MMP17: variants seen among roughly 807,000 people sequenced by gnomAD.
MMP17 encodes the protein matrix metallopeptidase 17, also known as matrix metalloproteinase-17.
Under a neutral mutation model 49.1 loss-of-function variants are expected in MMP17, and 54 were observed. That is an observed-to-expected ratio of 1.10 (90% CI 0.88 to 1.38). The LOEUF is 1.38. Among genes scored for constraint, MMP17 ranks in the 40% most tolerant of loss-of-function variants. The pLI is 0.00. For missense variants in MMP17, 837 were observed against 853.7 expected (o/e 0.98, Z 0.24); for synonymous variants, 397 against 383.1 (o/e 1.04, Z -0.42).
chr12:131,850,787 A>C, intron 9 of MMP17, 138 bp from the exon 10 acceptor site: 1 of 407,144 alleles, frequency 2.5e-6, no homozygotes. Flanking sequence ...AGTCTTGTGC[A>C]AGCCCCCTGC....
At chr12:131,833,601 C>A (rs926254035) in intron 1 of MMP17, among the ~76,000 whole-genome samples, 6 of 152,272 alleles carry the variant, frequency 3.9e-5, no homozygotes, top group African/African-American at 7.2e-5. Flanking sequence ...ACAGCTCCAT[C>A]ACTGACCGTG....
In MMP17 at chr12:131,846,059, A is replaced by G. The variant is rs1887688829; in HGVS notation, c.1204+610A>G. On this transcript the variant is annotated intron_variant, in intron 8 of 9. Transcript: ENST00000360564. The surrounding 1 kb of genome is among the most constrained non-coding windows in gnomAD (Gnocchi z 4.6). ...CTCCTTTTGCCTCCAAGTCTCCGGG[A>G]AGGGCAGGAAAGGGAGACAGTAGCA... Among the ~76,000 whole-genome samples the G allele has an allele frequency of 6.6e-6, 1 of 152,118 alleles. No individual in the cohort carries two copies. The highest frequency in any genetic ancestry group is 2.4e-5 in the African/African-American group (1 of 41,434).
intron 1 of MMP17, among the ~76,000 whole-genome samples, chr12:131,829,330 C>A (rs942164946): frequency 2.6e-5 from 4 of 152,232 alleles, no homozygotes; most frequent in Non-Finnish European, 5.9e-5. Flanking sequence ...GTCCCCAGCT[C>A]AGCTTAGAAA....
At chr12:131,829,760 C>A (rs980377718) in intron 1 of MMP17, among the ~76,000 whole-genome samples, 3 of 152,220 alleles carry the variant, frequency 2.0e-5, no homozygotes, top group Non-Finnish European at 4.4e-5. Flanking sequence ...TTGGGTGGCA[C>A]CCGCAGCCCC....
chr12:131,829,660 G>T (rs1566079346), intron 1 of MMP17, among the ~76,000 whole-genome samples: 1 of 152,220 alleles, frequency 6.6e-6, no homozygotes, highest in East Asian at 1.9e-4. Flanking sequence ...CTCGCCCAGC[G>T]CAGTGGACAT....
rs544877596 is a variant in MMP17 at position 131,846,463 on chromosome 12, A to G, written c.1204+1014A>G. The stretch of plus-strand genomic sequence containing the variant: ...GTGATCTCAGCTCACTGCAACCTTC[A>G]CCTCCCAGGTTGCAATTCTCCTGCC... On this transcript the variant is annotated intron_variant, in intron 8 of 9. Coordinates refer to ENST00000360564, the MANE Select transcript of MMP17 (RefSeq NM_016155.7). The surrounding 1 kb of genome is among the most constrained non-coding windows in gnomAD (Gnocchi z 4.6). Among the ~76,000 whole-genome samples the G allele has an allele frequency of 2.0e-5, 3 of 151,408 alleles. No individual in the cohort carries two copies. The highest frequency in any genetic ancestry group is 7.3e-5 in the African/African-American group (3 of 41,212).
chr12:131,838,384 C>T lies in MMP17; in HGVS notation c.292+57C>T, dbSNP rs529132179. On this transcript the variant is annotated intron_variant, in intron 2 of 9. Transcript: ENST00000360564. Reference sequence around the variant, plus strand: ...TGGCCCCCGTCAGGTCTGCGCCCGTCGGCCATGCCCCCTCTGATCAGGCAC... The same window carrying T: ...TGGCCCCCGTCAGGTCTGCGCCCGTTGGCCATGCCCCCTCTGATCAGGCAC... The T allele has an allele frequency of 8.1e-5, 129 of 1,585,688 alleles. 1 individual carries two copies. In the Middle Eastern group the frequency reaches 1.2e-3, roughly 15 times the overall value.
chr12:131,841,656 G>A lies in MMP17; in HGVS notation c.739G>A (p.Val247Ile). ...AHGMDLFAVA[V>I]HEFGHAIGLS... The stretch of plus-strand genomic sequence containing the variant: ...CGGGATGGACCTGTTTGCAGTGGCT[G>A]TCCACGAGTTTGGCCACGCCATTGG... The change falls in exon 5 of 10, where the codon GTC (valine) becomes ATC (isoleucine). Residue 247 changes from valine (V) to isoleucine (I), a missense_variant. Transcript: ENST00000360564. 3 of 1,614,090 alleles carry A rather than the reference G, an allele frequency of 1.9e-6. No individual in the cohort carries two copies. Among genetic ancestry groups the A allele is most frequent in the Non-Finnish European group, 1.7e-6 (2 of 1,180,012 alleles).
intron 8 of MMP17, 74 bp downstream of exon 8, chr12:131,845,523 C>T: frequency 6.8e-7 from 1 of 1,481,224 alleles, no homozygotes; most frequent in Non-Finnish European, 8.9e-7. Context: ...GGAGAGGGTC[C>T]AGCCTGCGTG....
rs574191841 is a variant in MMP17 at position 131,838,386 on chromosome 12, G to A, written c.292+59G>A. 425 of 1,585,128 alleles carry A rather than the reference G, an allele frequency of 2.7e-4. 1 individual carries two copies. The African/African-American group carries it at 4.8e-3, about 18-fold the overall frequency. The stretch of plus-strand genomic sequence containing the variant: ...GCCCCCGTCAGGTCTGCGCCCGTCG[G>A]CCATGCCCCCTCTGATCAGGCACAG... On this transcript the variant is annotated intron_variant, in intron 2 of 9. Transcript: ENST00000360564.
intron 3 of MMP17, 132 bp downstream of exon 3, chr12:131,838,873 G>A (rs540047343): frequency 1.4e-5 from 15 of 1,081,892 alleles, no homozygotes; most frequent in South Asian, 1.1e-4. Context: ...AGGCGGGTGC[G>A]TGGCCAGGGT....
chr12:131,851,373 G>A lies in MMP17; in HGVS notation c.*99G>A. ...GTCCCTGGGGGAGGTGCTGGCGCGG[G>A]ATGAGGACGGGCCACCCTGGCACCG... On this transcript the variant is annotated 3_prime_UTR_variant, in exon 10 of 10. Coordinates refer to ENST00000360564, the MANE Select transcript of MMP17 (RefSeq NM_016155.7). The A allele has an allele frequency of 1.8e-6, 2 of 1,130,168 alleles. No individual in the cohort carries two copies. Among genetic ancestry groups the A allele is most frequent in the South Asian group, 2.6e-5 (1 of 38,890 alleles). The allele number at this position is 1,130,168 out of a possible 1,614,324, so 70.0% of individuals were successfully genotyped here.
intron 9 of MMP17, 71 bp from the exon 10 acceptor site, chr12:131,850,854 T>G: frequency 8.2e-7 from 1 of 1,226,160 alleles, no homozygotes; most frequent in Non-Finnish European, 1.1e-6. Flanking sequence ...CAACGCTCCC[T>G]CCTCGCTGTC....
rs765922557 is a variant in MMP17, at chr12:131,845,310, G to A, written c.1065G>A (p.Trp355Ter). ...EAFFFKGKYF[W>*]RLTRDRHLVS... The stretch of plus-strand genomic sequence containing the variant: ...CTGTGCCCCCAGGCAAGTACTTCTG[G>A]CGGCTGACGCGGGACCGGCACCTGG... The change falls in exon 8 of 10, where the codon TGG becomes TGA. Residue 355 changes from tryptophan (W) to a stop codon, truncating the protein, a stop_gained. Coordinates refer to ENST00000360564, the MANE Select transcript of MMP17 (RefSeq NM_016155.7). LOFTEE classifies it high-confidence loss of function. The A allele has an allele frequency of 4.4e-6, 7 of 1,607,198 alleles. No individual in the cohort carries two copies. Among genetic ancestry groups the A allele is most frequent in the Non-Finnish European group, 6.0e-6 (7 of 1,175,554 alleles).
rs140941712 is a variant in MMP17, at chr12:131,841,176, G to A, written c.706+320G>A. On this transcript the variant is annotated intron_variant, in intron 4 of 9. Transcript: ENST00000360564. ...CTCAGTGTCACTCCCGCTAAGTCCC[G>A]TTGTCTGCAGAAGTCTCAGCTCTGC... 8.5e-5 allele frequency among the ~76,000 whole-genome samples: 13 copies of A among 152,342 alleles called. No homozygotes were observed. The East Asian group carries it at 1.9e-3, about 23-fold the overall frequency.
intron 1 of MMP17, among the ~76,000 whole-genome samples, chr12:131,831,366 T>TG (rs1440845491): frequency 2.7e-5 from 4 of 149,026 alleles, no homozygotes; most frequent in South Asian, 2.2e-4. Flanking sequence ...GCGGGGCAGG[T>TG]GGGGGGTACT....
intron 1 of MMP17, among the ~76,000 whole-genome samples, chr12:131,829,341 C>A (rs1336652830): frequency 6.6e-6 from 1 of 152,234 alleles, no homozygotes; most frequent in Non-Finnish European, 1.5e-5. Flanking sequence ...AGCTTAGAAA[C>A]CCTGCCTGGG....
chr12:131,849,650 A>G, intron 8 of MMP17, 152 bp from the exon 9 acceptor site: 1 of 807,732 alleles, frequency 1.2e-6, no homozygotes, highest in Non-Finnish European at 2.0e-6. Context: ...GGCCCCTGTG[A>G]TGTGGGGTGA....
chr12:131,830,806 A>G (rs745656709), intron 1 of MMP17, among the ~76,000 whole-genome samples: 12 of 152,162 alleles, frequency 7.9e-5, no homozygotes, highest in Non-Finnish European at 1.2e-4. Context: ...GCCGGGATTC[A>G]GGCTGCTGGG....
Sources: gnomAD v4.1 joint callset for allele counts (sites outside exome capture counted in the v4.1 genomes callset) on GRCh38, gnomAD v4.1.1 for gene constraint, Gnocchi (gnomAD v3.1) non-coding constraint, MANE v1.5 for transcripts, NCBI Gene and HGNC (gene_info 2026-07-23, HGNC 2026-07-21) for gene names.